GALNT17: variants seen among roughly 807,000 people sequenced by gnomAD.
GALNT17 encodes the protein polypeptide N-acetylgalactosaminyltransferase 17, also known as UDP-GalNAc:polypeptide N-acetylgalactosaminyltransferase-like 3.
A neutral mutation model predicts 63.7 loss-of-function variants in GALNT17; 29 were observed. That is an observed-to-expected ratio of 0.46 (90% CI 0.34 to 0.62). The LOEUF is 0.62. GALNT17 is among the 20% of genes least tolerant of loss of function. GALNT17 has a pLI of 0.01. For synonymous variants in GALNT17, 305 were observed against 318.3 expected (o/e 0.96, Z 0.45); for missense variants, 603 against 799.6 (o/e 0.75, Z 2.97).
chr7:71,347,106 T>C (rs1792110155), intron 2 of GALNT17, among the ~76,000 whole-genome samples: 1 of 152,062 alleles, frequency 6.6e-6, no homozygotes. Flanking sequence ...GCCCTTTCCT[T>C]TAGTGTGTGA....
rs749082296 is a variant in GALNT17 at position 71,677,326 on chromosome 7, C to T, written c.1500+20C>T. Reference sequence around the variant, plus strand: ...CCACAGGTAGGAGCTCGTCTCTGACCAGGAAGGAAGTAATATCACCATCTC... The same window carrying T: ...CCACAGGTAGGAGCTCGTCTCTGACTAGGAAGGAAGTAATATCACCATCTC... On this transcript the variant is annotated intron_variant, in intron 9 of 10. Coordinates refer to ENST00000333538, the MANE Select transcript of GALNT17 (RefSeq NM_022479.3). The T allele has an allele frequency of 3.1e-6, 5 of 1,609,642 alleles. No homozygotes were observed. The highest frequency in any genetic ancestry group is 1.1e-5 in the South Asian group (1 of 90,628).
chr7:71,268,237 C>T (rs1434625122), intron 1 of GALNT17, among the ~76,000 whole-genome samples: 3 of 151,976 alleles, frequency 2.0e-5, no homozygotes, highest in Non-Finnish European at 4.4e-5. Context: ...TTTAAGCAAA[C>T]CCCCCATACA....
At chr7:71,332,957 G>A (rs1791832436) in intron 1 of GALNT17, among the ~76,000 whole-genome samples, 1 of 152,146 alleles carries the variant, frequency 6.6e-6, no homozygotes, top group African/African-American at 2.4e-5. Context: ...CAAATTGCTG[G>A]GATTACAGGC....
At chr7:71,668,409 G>A (rs1372968691) in intron 7 of GALNT17, among the ~76,000 whole-genome samples, 5 of 149,018 alleles carry the variant, frequency 3.4e-5, no homozygotes, top group African/African-American at 4.9e-5. Flanking sequence ...CCAGCTACTC[G>A]GGAGGCTGAA....
chr7:71,662,916 A>AT (rs1289407234), intron 6 of GALNT17, among the ~76,000 whole-genome samples: 1 of 152,224 alleles, frequency 6.6e-6, no homozygotes, highest in Non-Finnish European at 1.5e-5. Flanking sequence ...AGCCATGTCC[A>AT]TTCTTTTACA....
At chr7:71,163,068 C>T (rs1272024775) in intron 1 of GALNT17, among the ~76,000 whole-genome samples, 1 of 152,100 alleles carries the variant, frequency 6.6e-6, no homozygotes, top group Non-Finnish European at 1.5e-5. Flanking sequence ...TGGTCAGATC[C>T]TGAATATATT....
At chr7:71,548,655 G>A (rs563234591) in intron 5 of GALNT17, among the ~76,000 whole-genome samples, 8 of 152,298 alleles carry the variant, frequency 5.3e-5, no homozygotes, top group South Asian at 2.1e-4. Flanking sequence ...TGCCACGATC[G>A]TGAGGCCTCC....
chr7:71,533,536 T>TG (rs150389773), intron 5 of GALNT17, among the ~76,000 whole-genome samples: 3,310 of 152,180 alleles, frequency 0.022, 121 homozygotes, highest in African/African-American at 0.075. Flanking sequence ...CTTTAACAGC[T>TG]GGGGGGCAGA....
chr7:71,384,064 A>G (rs916612018), intron 2 of GALNT17, among the ~76,000 whole-genome samples: 1 of 152,044 alleles, frequency 6.6e-6, no homozygotes, highest in Non-Finnish European at 1.5e-5. Context: ...AACAGTGCAC[A>G]AGGGTTTCAA....
At chr7:71,226,931 C>G (rs768663060) in intron 1 of GALNT17, among the ~76,000 whole-genome samples, 6 of 152,030 alleles carry the variant, frequency 3.9e-5, no homozygotes, top group Non-Finnish European at 8.8e-5. Flanking sequence ...AGTCCGTCCC[C>G]CCTCTATGTG....
At chr7:71,397,941 TTTGTTG>T (rs111851668) in intron 3 of GALNT17, among the ~76,000 whole-genome samples, 78,147 of 150,578 alleles carry the variant, frequency 0.52, 21,162 homozygotes, top group Non-Finnish European at 0.6. Flanking sequence ...CATTATTGTC[TTTGTTG>T]TTGTTGTTGT....
chr7:71,487,090 C>T (rs368731405), intron 5 of GALNT17, among the ~76,000 whole-genome samples: 3 of 152,156 alleles, frequency 2.0e-5, no homozygotes, highest in African/African-American at 4.8e-5. Context: ...GGCAGCTGTG[C>T]GTCAGAGCTC....
intron 1 of GALNT17, among the ~76,000 whole-genome samples, chr7:71,182,976 T>C (rs1343448783): frequency 6.6e-6 from 1 of 152,188 alleles, no homozygotes; most frequent in Non-Finnish European, 1.5e-5. Context: ...AGGGCAATTG[T>C]TTCTTAGAAC....
chr7:71,278,047 G>T (rs1202640), intron 1 of GALNT17, among the ~76,000 whole-genome samples: 78,218 of 151,994 alleles, frequency 0.51, 20,730 homozygotes, highest in African/African-American at 0.64. Flanking sequence ...AGGCAGTTCA[G>T]CTTAGCTTTT....
intron 1 of GALNT17, among the ~76,000 whole-genome samples, chr7:71,324,674 A>G (rs1361786830): frequency 6.6e-6 from 1 of 152,160 alleles, no homozygotes; most frequent in Non-Finnish European, 1.5e-5. Context: ...AGGAGTTAGC[A>G]CCAAGAGTCA....
intron 5 of GALNT17, among the ~76,000 whole-genome samples, chr7:71,534,746 G>A (rs1020549590): frequency 6.6e-6 from 1 of 152,164 alleles, no homozygotes; most frequent in African/African-American, 2.4e-5. Context: ...AGTTCAAGAT[G>A]AGATTTGAGT....
At chr7:71,508,014 A>G (rs1788294937) in intron 5 of GALNT17, among the ~76,000 whole-genome samples, 1 of 152,188 alleles carries the variant, frequency 6.6e-6, no homozygotes, top group African/African-American at 2.4e-5. Flanking sequence ...AAGCTGCGCC[A>G]GTCCACCCCG....
chr7:71,255,276 A>G (rs1277827761), intron 1 of GALNT17, among the ~76,000 whole-genome samples: 1 of 152,182 alleles, frequency 6.6e-6, no homozygotes, highest in Non-Finnish European at 1.5e-5. Context: ...TTCTCGTGAT[A>G]GTGAATAAGT....
At chr7:71,245,216 T>G (rs1309695787) in intron 1 of GALNT17, among the ~76,000 whole-genome samples, 4 of 152,180 alleles carry the variant, frequency 2.6e-5, no homozygotes, top group Non-Finnish European at 1.5e-5. Context: ...GACAATAATA[T>G]GACTGAAGTC....
Sources: gnomAD v4.1 joint callset for allele counts (sites outside exome capture counted in the v4.1 genomes callset) on GRCh38, gnomAD v4.1.1 for gene constraint, MANE v1.5 for transcripts, NCBI Gene and HGNC (gene_info 2026-07-23, HGNC 2026-07-21) for gene names.